Variants in HNRNPLL observed in about 807,000 individuals in gnomAD.
HNRNPLL encodes heterogeneous nuclear ribonucleoprotein L-like.
In HNRNPLL, 25 loss-of-function variants were observed where a neutral mutation model predicts 67.1. The observed-to-expected ratio is 0.37, with a 90% CI of 0.27 to 0.52. The LOEUF (loss-of-function observed/expected upper bound fraction) is 0.52. Ranked by LOEUF, HNRNPLL falls within the 20% of genes least tolerant of loss-of-function variation. HNRNPLL has a pLI of 0.90. For synonymous variants in HNRNPLL, 267 were observed against 241.7 expected, an observed-to-expected ratio of 1.10 and a Z score of -0.97; for missense variants, 542 against 673.9, an observed-to-expected ratio of 0.80 and a Z score of 2.17.
intron 12 of HNRNPLL, among the ~76,000 whole-genome samples, chr2:38,567,097 TTTTG>T (rs1456920896): frequency 2.0e-5 from 3 of 151,670 alleles, no homozygotes; most frequent in African/African-American, 7.3e-5. Flanking sequence ...AGAAGAATCA[TTTTG>T]TTTTTTTATT....
At chr2:38,566,458 C>A (rs1376256727) in intron 12 of HNRNPLL, among the ~76,000 whole-genome samples, 1 of 150,444 alleles carries the variant, frequency 6.6e-6, no homozygotes, top group African/African-American at 2.5e-5. Context: ...CTTGACTTGA[C>A]ACAAATTAAA....
Position 38,569,909 on chromosome 2 carries a change from G to C in HNRNPLL, c.1109C>G (p.Thr370Ser). ...GNIEKVKFMKTIPGTALVEMG... is the reference protein window; with the variant it reads ...GNIEKVKFMKSIPGTALVEMG... Reference sequence around the variant, plus strand: ...TTCTACCAGTGCTGTACCAGGAATGGTCTTCATAAATTTTACCTGTAAACA... The same window carrying C: ...TTCTACCAGTGCTGTACCAGGAATGCTCTTCATAAATTTTACCTGTAAACA... Residue 370 changes from threonine to serine, a missense_variant, in exon 9 of 13, where the codon ACC becomes AGC. This residue lies in a region of HNRNPLL where 415 missense variants were observed against 575.2 expected (regional missense o/e 0.72). Coordinates refer to ENST00000449105, the MANE Select transcript of HNRNPLL (RefSeq NM_138394.4). 6.3e-7 allele frequency: 1 copy of C among 1,590,472 alleles called. No individual in the cohort carries two copies. Among genetic ancestry groups the C allele is most frequent in the South Asian group, 1.1e-5 (1 of 87,508 alleles).
chr2:38,595,140 C>T (rs898075886), intron 1 of HNRNPLL, among the ~76,000 whole-genome samples: 26 of 151,296 alleles, frequency 1.7e-4, no homozygotes, highest in African/African-American at 4.4e-4. Context: ...ATTAGCTGGG[C>T]GTGGTGGGGT....
chr2:38,582,557 G>A (rs555131929), intron 4 of HNRNPLL, among the ~76,000 whole-genome samples: 1 of 152,240 alleles, frequency 6.6e-6, no homozygotes, highest in African/African-American at 2.4e-5. Flanking sequence ...TGATCCGCCC[G>A]CCTCGGCCTC....
In HNRNPLL at chr2:38,599,005, G is replaced by A. The variant is rs188575913; in HGVS notation, c.189+3433C>T. ...ACAGTCTTCTAAACTTCTCCTGTGA[G>A]AGCTAAGTGACCTCATCCCATCTCC... On this transcript the variant is annotated intron_variant, in intron 1 of 12. Coordinates refer to ENST00000449105, the MANE Select transcript of HNRNPLL (RefSeq NM_138394.4). 1.9e-3 allele frequency among the ~76,000 whole-genome samples: 292 copies of A among 152,278 alleles called. 2 individuals are homozygous for A. Among genetic ancestry groups the A allele is most frequent in the Non-Finnish European group, 3.0e-3 (202 of 68,020 alleles).
At chr2:38,568,981 G>A (rs1235676075) in intron 10 of HNRNPLL, 152 bp downstream of exon 10, 1 of 604,158 alleles carries the variant, frequency 1.7e-6, no homozygotes, top group African/African-American at 1.9e-5. Context: ...AAAGTACAAT[G>A]GTCAAAGAAT....
chr2:38,600,440 G>GC (rs1667381328), intron 1 of HNRNPLL, among the ~76,000 whole-genome samples: 1 of 152,112 alleles, frequency 6.6e-6, no homozygotes, highest in African/African-American at 2.4e-5. Flanking sequence ...CAAATTGTAT[G>GC]CTAAGACCAG....
chr2:38,593,592 C>A (rs574467880), intron 1 of HNRNPLL, among the ~76,000 whole-genome samples: 1 of 152,114 alleles, frequency 6.6e-6, no homozygotes, highest in Non-Finnish European at 1.5e-5. Context: ...CTAAGAGACA[C>A]AGCAACCAAA....
intron 1 of HNRNPLL, among the ~76,000 whole-genome samples, chr2:38,599,234 A>G (rs1373674885): frequency 6.6e-6 from 1 of 152,202 alleles, no homozygotes; most frequent in African/African-American, 2.4e-5. Flanking sequence ...TTGAGAAACA[A>G]ATTTTCACTT....
chr2:38,596,920 A>G (rs959896333), intron 1 of HNRNPLL, among the ~76,000 whole-genome samples: 1 of 152,224 alleles, frequency 6.6e-6, no homozygotes, highest in Non-Finnish European at 1.5e-5. Flanking sequence ...CTGTAATGGC[A>G]GCATTATTTG....
intron 2 of HNRNPLL, among the ~76,000 whole-genome samples, chr2:38,591,314 T>C (rs148409811): frequency 6.6e-6 from 1 of 152,188 alleles, no homozygotes; most frequent in Non-Finnish European, 1.5e-5. Flanking sequence ...GAAGTGATCA[T>C]AGCTCCACAA....
At chr2:38,565,005 A>C (rs1347357563) in intron 12 of HNRNPLL, among the ~76,000 whole-genome samples, 7 of 151,216 alleles carry the variant, frequency 4.6e-5, no homozygotes, top group African/African-American at 7.3e-5. Context: ...TGAAAAAAAA[A>C]AAACAAACCA....
rs1665803725 is a variant in HNRNPLL at position 38,565,038 on chromosome 2, ATTTCCATTTTGTAAATTTTTC to A, written c.1574-822_1574-802del. 2.6e-5 allele frequency among the ~76,000 whole-genome samples: 4 copies of A among 151,818 alleles called. No individual in the cohort carries two copies. The East Asian group carries it at 7.7e-4, about 29-fold the overall frequency. The stretch of plus-strand genomic sequence containing the variant: ...CCAACTGGGTATACTTCACAAAAAT[ATTTCCATTTTGTAAATTTTTC>A]TTTCCTTTAATTTTTCAGACCAGGC... On this transcript the variant is annotated intron_variant, in intron 12 of 12. Transcript: ENST00000449105.
At position 38,602,472 on chromosome 2, in the gene HNRNPLL, T is replaced by C; in HGVS notation, c.155A>G (p.Asp52Gly). 3.9e-6 allele frequency: 6 copies of C among 1,540,506 alleles called. No homozygotes were observed. The South Asian group carries it at 7.1e-5, about 18-fold the overall frequency. ...RREATPRGGG[D>G]GGGGGRSFSQ... The stretch of plus-strand genomic sequence containing the variant: ...GAAGCTCCGGCCGCCGCCGCCGCCA[T>C]CGCCCCCGCCCCGGGGCGTCGCTTC... Residue 52 changes from aspartate (D) to glycine (G), a missense_variant, in exon 1 of 13, where the codon GAT becomes GGT. Around this residue, in one of 2 missense-constraint regions of HNRNPLL, gnomAD observed 127 missense variants for 98.7 expected, o/e 1.29. Coordinates refer to ENST00000449105, the MANE Select transcript of HNRNPLL (RefSeq NM_138394.4).
At chr2:38,570,949 G>C (rs891774792) in intron 8 of HNRNPLL, among the ~76,000 whole-genome samples, 29 of 152,062 alleles carry the variant, frequency 1.9e-4, no homozygotes, top group African/African-American at 6.8e-4. Context: ...TCAGGAGGCT[G>C]AGGCAGGACT....
Position 38,564,181 on chromosome 2 carries a change from CT to C in HNRNPLL, c.1629del (p.Ter543=). On this transcript the variant is annotated frameshift_variant and stop_lost, in exon 13 of 13. Coordinates refer to ENST00000449105, the MANE Select transcript of HNRNPLL (RefSeq NM_138394.4). LOFTEE classifies it high-confidence loss of function. ...KLCFSTSSHL[*>X] ...ATAAATTCTAACATGCTCTTCTCTT[CT>C]TATAAATGGGATGATGTAGAAAAGC... 1 of 1,523,932 alleles carries C rather than the reference CT, an allele frequency of 6.6e-7. No individual in the cohort carries two copies. Among genetic ancestry groups the C allele is most frequent in the Non-Finnish European group, 9.1e-7 (1 of 1,098,956 alleles). 94.4% of individuals were successfully genotyped at this position (1,523,932 alleles called of 1,614,324 possible).
intron 1 of HNRNPLL, among the ~76,000 whole-genome samples, chr2:38,592,763 C>T (rs1240819033): frequency 2.0e-5 from 3 of 152,206 alleles, no homozygotes; most frequent in South Asian, 2.1e-4. Flanking sequence ...TCTCTTGCAT[C>T]GTAACTTCAG....
chr2:38,571,141 T>C (rs1207046260), intron 8 of HNRNPLL, among the ~76,000 whole-genome samples: 3 of 152,208 alleles, frequency 2.0e-5, no homozygotes, highest in African/African-American at 7.2e-5. Context: ...GTATATACTA[T>C]ATATAAGCAT....
intron 2 of HNRNPLL, among the ~76,000 whole-genome samples, chr2:38,590,345 A>C (rs2148374257): frequency 6.6e-6 from 1 of 152,312 alleles, no homozygotes; most frequent in South Asian, 2.1e-4. Context: ...TCAAATACTT[A>C]ACATGAATTT....
Sources: allele counts gnomAD v4.1 joint callset (sites outside exome capture counted in the v4.1 genomes callset), GRCh38; gene constraint gnomAD v4.1.1; regional missense constraint gnomAD v4.1.1; transcripts MANE v1.5; gene names NCBI Gene and HGNC (gene_info 2026-07-23, HGNC 2026-07-21).